Variants in RAB38 observed in about 807,000 individuals in gnomAD.
RAB38 encodes the protein RAB38, member RAS oncogene family, also known as ras-related protein Rab-38.
In RAB38, 15 loss-of-function variants were observed where a neutral mutation model predicts 18.4. The observed-to-expected ratio is 0.82, with a 90% CI of 0.55 to 1.26. The LOEUF (loss-of-function observed/expected upper bound fraction) is 1.26. Among genes scored for constraint, RAB38 ranks in the 50% most tolerant of loss-of-function variants. RAB38 has a pLI of 0.00. For synonymous variants in RAB38, 101 were observed against 104.4 expected, an observed-to-expected ratio of 0.97 and a Z score of 0.20; for missense variants, 294 against 267.4, an observed-to-expected ratio of 1.10 and a Z score of -0.69.
chr11:87,962,205 G>A, the RAB38 span, among the ~76,000 whole-genome samples: 1 of 152,030 alleles, frequency 6.6e-6, no homozygotes, highest in Non-Finnish European at 1.5e-5. Context: ...TGGTGTGAAG[G>A]AGTAGGAAAA....
chr11:87,865,113 G>A, the RAB38 span, among the ~76,000 whole-genome samples: 3 of 151,688 alleles, frequency 2.0e-5, no homozygotes, highest in African/African-American at 7.3e-5. Flanking sequence ...GAACAGGGAA[G>A]GATGGAGGAA....
chr11:87,939,694 C>T, the RAB38 span, among the ~76,000 whole-genome samples: 1 of 151,604 alleles, frequency 6.6e-6, no homozygotes, highest in Non-Finnish European at 1.5e-5. Flanking sequence ...CCCCTCTGTA[C>T]CAACAAGAGA....
the RAB38 span, among the ~76,000 whole-genome samples, chr11:87,947,038 C>G: frequency 6.6e-6 from 1 of 152,022 alleles, no homozygotes; most frequent in African/African-American, 2.4e-5. Context: ...TTCTCCACAT[C>G]CTCTCCAGCA....
chr11:87,862,811 T>A, the RAB38 span, among the ~76,000 whole-genome samples: 1 of 151,898 alleles, frequency 6.6e-6, no homozygotes, highest in Non-Finnish European at 1.5e-5. Context: ...ATGGCCGGTA[T>A]TATCACTTAC....
At chr11:88,055,352 C>T in the RAB38 span, among the ~76,000 whole-genome samples, 1 of 152,192 alleles carries the variant, frequency 6.6e-6, no homozygotes, top group African/African-American at 2.4e-5. Flanking sequence ...AAATCATCAA[C>T]ATTAGATTAA....
At chr11:88,006,297 A>G in the RAB38 span, among the ~76,000 whole-genome samples, 3 of 151,682 alleles carry the variant, frequency 2.0e-5, no homozygotes, top group African/African-American at 7.2e-5. Flanking sequence ...CAATGTGGTG[A>G]AAAGGGAATC....
the RAB38 span, among the ~76,000 whole-genome samples, chr11:87,856,921 T>A: frequency 2.0e-5 from 3 of 152,218 alleles, no homozygotes; most frequent in African/African-American, 7.2e-5. Context: ...TGTGCAGGTT[T>A]GTTACATATG....
the RAB38 span, among the ~76,000 whole-genome samples, chr11:87,874,771 A>G: frequency 6.6e-6 from 1 of 151,574 alleles, no homozygotes; most frequent in African/African-American, 2.4e-5. Context: ...TGTTAAAAAT[A>G]CCTTTTATCA....
At chr11:88,069,874 G>T in the RAB38 span, among the ~76,000 whole-genome samples, 1 of 152,038 alleles carries the variant, frequency 6.6e-6, no homozygotes. Flanking sequence ...CTAGCTAGAG[G>T]ATTGTAAATA....
chr11:87,946,859 A>G, the RAB38 span, among the ~76,000 whole-genome samples: 1 of 152,158 alleles, frequency 6.6e-6, no homozygotes, highest in African/African-American at 2.4e-5. Flanking sequence ...ATATGTGTGC[A>G]TGTGTCTTTA....
the RAB38 span, among the ~76,000 whole-genome samples, chr11:87,819,678 GTA>G: frequency 6.5e-4 from 95 of 145,072 alleles, no homozygotes; most frequent in South Asian, 1.7e-3. Flanking sequence ...ATATATATGT[GTA>G]TATATATATA....
the RAB38 span, among the ~76,000 whole-genome samples, chr11:88,029,606 A>G: frequency 6.6e-6 from 1 of 152,182 alleles, no homozygotes; most frequent in Non-Finnish European, 1.5e-5. Context: ...CAGACTTTAA[A>G]CCAACAAAGA....
At chr11:87,977,683 G>T in the RAB38 span, among the ~76,000 whole-genome samples, 11 of 110,736 alleles carry the variant, frequency 9.9e-5, no homozygotes, top group African/African-American at 4.0e-4. Flanking sequence ...TGTAATATAT[G>T]TCATATAATA....
At chr11:88,041,636 C>T in the RAB38 span, among the ~76,000 whole-genome samples, 1 of 152,172 alleles carries the variant, frequency 6.6e-6, no homozygotes. Context: ...GTTGATGCTG[C>T]TTGGCAGCAC....
At chr11:88,007,171 C>A in the RAB38 span, among the ~76,000 whole-genome samples, 1 of 151,530 alleles carries the variant, frequency 6.6e-6, no homozygotes, top group Non-Finnish European at 1.5e-5. Flanking sequence ...CACTATAGAA[C>A]TAAATATGAG....
At chr11:87,953,550 T>G in the RAB38 span, among the ~76,000 whole-genome samples, 1 of 152,194 alleles carries the variant, frequency 6.6e-6, no homozygotes, top group Non-Finnish European at 1.5e-5. Flanking sequence ...TCTTTGTCTG[T>G]CCTTTAAAAT....
the RAB38 span, among the ~76,000 whole-genome samples, chr11:88,077,911 G>A: frequency 2.6e-5 from 4 of 152,004 alleles, no homozygotes; most frequent in East Asian, 7.7e-4. Context: ...CTGCCAAGGA[G>A]TTAATAACCA....
chr11:88,091,479 A>G, the RAB38 span, among the ~76,000 whole-genome samples: 1 of 151,862 alleles, frequency 6.6e-6, no homozygotes, highest in East Asian at 2.0e-4. Context: ...ACCATCTCTC[A>G]CCAATTGCCA....
At chr11:87,878,373 C>T in the RAB38 span, among the ~76,000 whole-genome samples, 14 of 150,118 alleles carry the variant, frequency 9.3e-5, no homozygotes, top group Non-Finnish European at 1.8e-4. Flanking sequence ...ATCTATCTAT[C>T]GAGAGAGAAT....
Sources: allele counts gnomAD v4.1 joint callset (sites outside exome capture counted in the v4.1 genomes callset), GRCh38; gene constraint gnomAD v4.1.1; transcripts MANE v1.5; gene names NCBI Gene and HGNC (gene_info 2026-07-23, HGNC 2026-07-21).